PRPF8: variants seen among roughly 807,000 people sequenced by gnomAD.
PRPF8 encodes pre-mRNA processing factor 8, also known as pre-mRNA-processing-splicing factor 8.
Under a neutral mutation model 285.9 loss-of-function variants are expected in PRPF8, and 64 were observed. The ratio of observed to expected loss-of-function variants is 0.22; its 90% CI spans 0.18 to 0.28. The LOEUF is 0.28. Ranked by LOEUF, PRPF8 falls within the 10% of genes least tolerant of loss-of-function variation. The pLI, the probability that PRPF8 is intolerant of heterozygous loss-of-function variation, is 1.00. For synonymous variants in PRPF8, 1,325 were observed against 1,118.2 expected (o/e 1.18, Z -3.69); for missense variants, 1,426 against 3,026.7 (o/e 0.47, Z 12.41).
intron 24 of PRPF8, 66 bp from the exon 25 acceptor site, chr17:1,662,219 GATGCAGTTAGTTTTATCCCTACT>G: frequency 6.4e-7 from 1 of 1,566,216 alleles, no homozygotes; most frequent in Non-Finnish European, 8.8e-7. Context: ...GAGACTACTT[GATGCAGTTAGTTTTATCCCTACT>G]ACTAAAGAAA....
Position 1,679,588 on chromosome 17 carries a change from T to C in PRPF8, c.1289+21A>G. On this transcript the variant is annotated intron_variant, in intron 9 of 42. Transcript: ENST00000304992. The surrounding 1 kb of genome is among the most constrained non-coding windows in gnomAD (Gnocchi z 4.7). ...CCTACACATCCACTATCATTCCCCC[T>C]GCCACAGGGAAAAACCTTACCAGTT... The C allele has an allele frequency of 6.2e-7, 1 of 1,612,432 alleles. No individual in the cohort carries two copies. The highest frequency in any genetic ancestry group is 8.5e-7 in the Non-Finnish European group (1 of 1,179,770).
At chr17:1,681,440 A>T in intron 6 of PRPF8, 38 bp downstream of exon 6, 3 of 1,529,042 alleles carry the variant, frequency 2.0e-6, no homozygotes, top group Non-Finnish European at 2.7e-6. Flanking sequence ...GTTTCATTCA[A>T]CTCAAAATGT....
At chr17:1,669,442 G>A (rs1025807352) in intron 24 of PRPF8, among the ~76,000 whole-genome samples, 12 of 152,064 alleles carry the variant, frequency 7.9e-5, no homozygotes, top group African/African-American at 2.9e-4. Flanking sequence ...AACTGCTACT[G>A]GGCTCCTTAA....
chr17:1,653,833 G>A lies in PRPF8; in HGVS notation c.6171C>T (p.Ser2057=). 6.2e-7 allele frequency: 1 copy of A among 1,614,192 alleles called. No homozygotes were observed. Among genetic ancestry groups the A allele is most frequent in the Non-Finnish European group, 8.5e-7 (1 of 1,180,036 alleles). Residue 2057 remains serine, a synonymous_variant, in exon 38 of 43, where the codon TCC becomes TCT. Coordinates refer to ENST00000304992, the MANE Select transcript of PRPF8 (RefSeq NM_006445.4). The surrounding 1 kb of genome is among the most constrained non-coding windows in gnomAD (Gnocchi z 4.9). ...TCTGGGTCTCATAGTTGCTGGTGGT[G>A]GAGGTGATGATCTCATCGCCATGCT... is the stretch of plus-strand genomic sequence containing the variant. ...VNKHGDEIIT[S]TTSNYETQTF... is the part of the protein sequence containing the mutation.
rs1366034263 is a variant in PRPF8, at chr17:1,659,469, T to C, written c.5026A>G (p.Ile1676Val). The change falls in exon 32 of 43, where the codon ATT becomes GTT. Residue 1676 changes from isoleucine to valine, a missense_variant. Ile to Val is a conservative substitution (Grantham distance 29). Transcript: ENST00000304992. The surrounding 1 kb of genome is among the most constrained non-coding windows in gnomAD (Gnocchi z 5.1). Reference protein sequence around the residue: ...LRWGDYDSHDIERYARAKFLD... With the variant: ...LRWGDYDSHDVERYARAKFLD... ...AACTTGGCCCGGGCGTAGCGCTCAA[T>C]GTCGTGGGAATCATAGTCCCCCCAG... The C allele has an allele frequency of 6.2e-7, 1 of 1,614,114 alleles. No individual in the cohort carries two copies. Among genetic ancestry groups the C allele is most frequent in the African/African-American group, 1.3e-5 (1 of 75,018 alleles).
intron 8 of PRPF8, chr17:1,680,450 A>AAAAC (rs1291968872): frequency 3.7e-6 from 2 of 539,650 alleles, no homozygotes; most frequent in Admixed American, 6.3e-5. Flanking sequence ...TATAAAGGCT[A>AAAAC]AAACAAACAA....
chr17:1,673,777 G>T lies in PRPF8; in HGVS notation c.3415C>A (p.Arg1139Ser). Residue 1139 changes from arginine to serine, a missense_variant, in exon 22 of 43, where the codon CGC (arginine) becomes AGC (serine). Physicochemically the swap from Arg to Ser is moderately radical, Grantham distance 110. This residue lies in a region of PRPF8 where 148 missense variants were observed against 196.2 expected (regional missense o/e 0.75). Transcript: ENST00000304992. This position sits in a 1 kb window ranked among gnomAD's most constrained non-coding sequence, Gnocchi z 5.5. Reference protein sequence around the residue: ...NNKKCWPRDARMRLMKHDVNL... With the variant: ...NNKKCWPRDASMRLMKHDVNL... Reference sequence around the variant, plus strand: ...ACATCATGTTTCATGAGGCGCATGCGGGCATCTCGGGGCCAGCACTTCTTG... The same window carrying T: ...ACATCATGTTTCATGAGGCGCATGCTGGCATCTCGGGGCCAGCACTTCTTG... 6.2e-7 allele frequency: 1 copy of T among 1,614,086 alleles called. No homozygotes were observed. The highest frequency in any genetic ancestry group is 8.5e-7 in the Non-Finnish European group (1 of 1,180,034).
chr17:1,671,847 T>C (rs1912338036), intron 24 of PRPF8, among the ~76,000 whole-genome samples: 2 of 101,034 alleles, frequency 2.0e-5, no homozygotes, highest in South Asian at 3.4e-4. Context: ...CAAGACTCCA[T>C]CTCAAAAAAA....
intron 29 of PRPF8, 45 bp from the exon 30 acceptor site, chr17:1,660,623 G>A (rs1422637330): frequency 2.5e-6 from 4 of 1,614,004 alleles, no homozygotes; most frequent in Non-Finnish European, 3.4e-6. Flanking sequence ...AAGAGACTCG[G>A]GCGCTCACGA....
Position 1,659,728 on chromosome 17 carries a change from T to G in PRPF8, c.4946+113A>C. ...TGTTGACAGGCTCCAAGCGTAGCAC[T>G]GGCTCCAAGTTTGAAACAAAGGCAG... On this transcript the variant is annotated intron_variant, in intron 31 of 42. Transcript: ENST00000304992. This position sits in a 1 kb window ranked among gnomAD's most constrained non-coding sequence, Gnocchi z 5.1. The G allele has an allele frequency of 3.5e-6, 5 of 1,436,606 alleles. No homozygotes were observed. Among genetic ancestry groups the G allele is most frequent in the Non-Finnish European group, 4.8e-6 (5 of 1,043,040 alleles). The allele number at this position is 1,436,606 out of a possible 1,614,324, so 89.0% of individuals were successfully genotyped here. A position where few individuals can be genotyped will look rare whatever the true frequency, so the allele number is the denominator to read the frequency against.
chr17:1,657,903 G>A (rs1021276863), intron 34 of PRPF8, among the ~76,000 whole-genome samples: 22 of 151,580 alleles, frequency 1.5e-4, no homozygotes, highest in South Asian at 4.2e-4. Flanking sequence ...CCCGGGAGGC[G>A]GAGCTTGCAG....
rs947311422 is a variant in PRPF8 at position 1,675,425 on chromosome 17, C to T, written c.2873-86G>A. The T allele has an allele frequency of 1.3e-6, 2 of 1,515,120 alleles. No homozygotes were observed. The highest frequency in any genetic ancestry group is 2.7e-5 in the African/African-American group (2 of 72,836). The allele number at this position is 1,515,120 out of a possible 1,614,324, so 93.9% of individuals were successfully genotyped here. On this transcript the variant is annotated intron_variant, in intron 19 of 42. Coordinates refer to ENST00000304992, the MANE Select transcript of PRPF8 (RefSeq NM_006445.4). This position sits in a 1 kb window ranked among gnomAD's most constrained non-coding sequence, Gnocchi z 6.0. The stretch of plus-strand genomic sequence containing the variant: ...CAGGAACTATCATTACCTTCCATAA[C>T]CAATCCCACTATGATTCCACGTATT...
chr17:1,654,084 G>A (rs1003034917), intron 37 of PRPF8, 68 bp from the exon 38 acceptor site: 5 of 1,611,836 alleles, frequency 3.1e-6, no homozygotes, highest in African/African-American at 1.3e-5. Flanking sequence ...TCAATGGAAA[G>A]GGTGTAACTT....
intron 24 of PRPF8, among the ~76,000 whole-genome samples, chr17:1,667,586 C>T (rs1402520121): frequency 6.8e-6 from 1 of 146,238 alleles, no homozygotes; most frequent in East Asian, 2.0e-4. Context: ...CTTTGTCACC[C>T]AGGCTGGAGT....
chr17:1,665,753 G>T (rs1911939107), intron 24 of PRPF8, among the ~76,000 whole-genome samples: 1 of 151,484 alleles, frequency 6.6e-6, no homozygotes, highest in African/African-American at 2.4e-5. Flanking sequence ...GACTGAGGCA[G>T]GAGAATCGCT....
rs1464006138 is a variant in PRPF8 at position 1,677,186 on chromosome 17, G to A, written c.1985-14C>T. 3 of 1,611,618 alleles carry A rather than the reference G, an allele frequency of 1.9e-6. No homozygotes were observed. In the African/African-American group the frequency reaches 4.0e-5, roughly 22 times the overall value. On this transcript the variant is annotated splice_polypyrimidine_tract_variant and intron_variant, in intron 14 of 42. Transcript: ENST00000304992. ...TTGAGTGTCGACCTGGAAGTAGAGT[G>A]TCCCAAGGGGATTACAAGGAAGATT...
At chr17:1,665,415 A>G (rs28749238) in intron 24 of PRPF8, among the ~76,000 whole-genome samples, 27,998 of 151,084 alleles carry the variant, frequency 0.19, 5,433 homozygotes, top group African/African-American at 0.5. Context: ...GCAGGCGACT[A>G]TAGTCCCAGC....
At chr17:1,683,757 C>T (rs929663182) in intron 2 of PRPF8, 56 bp from the exon 3 acceptor site, 6 of 1,603,834 alleles carry the variant, frequency 3.7e-6, no homozygotes, top group Non-Finnish European at 4.3e-6. Flanking sequence ...TCCTCTTCAC[C>T]TCTTGCCCTA....
rs764324828 is a variant in PRPF8 at position 1,659,861 on chromosome 17, G to A, written c.4926C>T (p.Pro1642=). The A allele has an allele frequency of 1.2e-6, 2 of 1,614,178 alleles. No individual in the cohort carries two copies. The highest frequency in any genetic ancestry group is 1.7e-6 in the Non-Finnish European group (2 of 1,180,018). The change falls in exon 31 of 43, where the codon CCC becomes CCT. Residue 1642 remains proline, a synonymous_variant. Coordinates refer to ENST00000304992, the MANE Select transcript of PRPF8 (RefSeq NM_006445.4). This position sits in a 1 kb window ranked among gnomAD's most constrained non-coding sequence, Gnocchi z 5.1. ...FASYKWNVSR[P]SLLADSKDVM... ...CTTACTTGGAGTCAGCCAGCAATGA[G>A]GGCCGGGAGACATTCCACTTATAGG...
Sources: gnomAD v4.1 joint callset for allele counts (sites outside exome capture counted in the v4.1 genomes callset) on GRCh38, gnomAD v4.1.1 for gene constraint, gnomAD v4.1.1 regional missense constraint, Gnocchi (gnomAD v3.1) non-coding constraint, MANE v1.5 for transcripts, NCBI Gene and HGNC (gene_info 2026-07-23, HGNC 2026-07-21) for gene names.